The following CSMD1 variants were observed in gnomAD, a reference collection of about 807,000 sequenced individuals.
CSMD1 encodes the protein CUB and sushi domain-containing protein 1.
A neutral mutation model predicts 417.5 loss-of-function variants in CSMD1; 213 were observed. The ratio of observed to expected loss-of-function variants is 0.51; its 90% CI spans 0.46 to 0.57. The LOEUF (loss-of-function observed/expected upper bound fraction) is 0.57, where lower values mean the gene tolerates loss of function less well. Among genes scored for constraint, CSMD1 ranks in the 20% least tolerant of loss-of-function variants. The pLI is 0.00. For missense variants in CSMD1, 6,923 were observed against 4,529.7 expected (o/e 1.53, Z -15.17); for synonymous variants, 2,862 against 1,736.8 (o/e 1.65, Z -16.11).
At chr8:3,457,792 A>G (rs569673655) in intron 12 of CSMD1, among the ~76,000 whole-genome samples, 1 of 152,150 alleles carries the variant, frequency 6.6e-6, no homozygotes, top group African/African-American at 2.4e-5. Context: ...AAAGGAAAAA[A>G]CCTGTTTGTA....
chr8:4,466,317 G>C (rs1030086431), intron 2 of CSMD1, among the ~76,000 whole-genome samples: 1 of 152,040 alleles, frequency 6.6e-6, no homozygotes, highest in South Asian at 2.1e-4. Flanking sequence ...AAACAGAAGA[G>C]GGAAGAAAGA....
In CSMD1 at chr8:3,422,399, T is replaced by C. The variant is rs568985284; in HGVS notation, c.1562-12794A>G. Among the ~76,000 whole-genome samples the C allele has an allele frequency of 3.3e-5, 5 of 152,296 alleles. No homozygotes were observed. In the South Asian group the frequency reaches 8.3e-4, roughly 25 times the overall value. On this transcript the variant is annotated intron_variant, in intron 12 of 69. Transcript: ENST00000635120. The stretch of plus-strand genomic sequence containing the variant: ...CTTGGATTTGGGGCCACTTTCCACA[T>C]TGTTCTTCCACTCACTTTTCCCAAA...
At chr8:3,292,442 T>A (rs1322332778) in intron 25 of CSMD1, among the ~76,000 whole-genome samples, 1 of 152,142 alleles carries the variant, frequency 6.6e-6, no homozygotes, top group Non-Finnish European at 1.5e-5. Flanking sequence ...AAGTCTCCCA[T>A]TATTATTGTG....
chr8:3,124,402 G>C (rs1057207101), intron 41 of CSMD1, among the ~76,000 whole-genome samples: 18 of 152,224 alleles, frequency 1.2e-4, no homozygotes, highest in African/African-American at 4.3e-4. Flanking sequence ...ACCTGGTTAA[G>C]GTTATGCAGT....
intron 1 of CSMD1, among the ~76,000 whole-genome samples, chr8:4,935,300 T>G (rs531243714): frequency 6.6e-6 from 1 of 152,198 alleles, no homozygotes; most frequent in Non-Finnish European, 1.5e-5. Flanking sequence ...ATGACTGAGC[T>G]CAGGCAGAGG....
rs762381943 is a variant in CSMD1, at chr8:3,151,389, T to C, written c.6031+8A>G. On this transcript the variant is annotated splice_region_variant and intron_variant, in intron 40 of 69. Coordinates refer to ENST00000635120, the MANE Select transcript of CSMD1 (RefSeq NM_033225.6). ...GAACTTTTAGGAATTGGTAACATTT[T>C]CACTTACCATAGCCGATGGGTAATG... 6.4e-7 allele frequency: 1 copy of C among 1,568,206 alleles called. No individual in the cohort carries two copies. Among genetic ancestry groups the C allele is most frequent in the Non-Finnish European group, 8.8e-7 (1 of 1,140,308 alleles).
chr8:3,107,183 C>T (rs11993207), intron 45 of CSMD1: 13,807 of 154,494 alleles, frequency 0.089, 734 homozygotes, highest in Middle Eastern at 0.17. Context: ...GCCATCACTG[C>T]TTTCTCAGTA....
chr8:4,882,463 G>C (rs932288303), intron 1 of CSMD1, among the ~76,000 whole-genome samples: 2 of 151,760 alleles, frequency 1.3e-5, no homozygotes, highest in South Asian at 4.1e-4. Context: ...TGGGGGGCGA[G>C]TTTGGCGTTT....
intron 3 of CSMD1, among the ~76,000 whole-genome samples, chr8:4,060,527 G>A (rs1021023933): frequency 2.0e-5 from 3 of 152,172 alleles, no homozygotes; most frequent in African/African-American, 7.2e-5. Flanking sequence ...GGGGATGTCG[G>A]AGAAGGAGTG....
intron 3 of CSMD1, among the ~76,000 whole-genome samples, chr8:4,253,794 T>C (rs1399598444): frequency 2.0e-5 from 3 of 152,046 alleles, no homozygotes; most frequent in Admixed American, 6.6e-5. Flanking sequence ...TGCCTGTATT[T>C]ATGTGAAAGA....
chr8:3,114,240 T>A (rs1816718225), intron 42 of CSMD1, among the ~76,000 whole-genome samples: 1 of 152,088 alleles, frequency 6.6e-6, no homozygotes, highest in South Asian at 2.1e-4. Flanking sequence ...TGAGACTCCA[T>A]CTCAAATAAA....
intron 5 of CSMD1, among the ~76,000 whole-genome samples, chr8:3,838,099 G>C (rs528245851): frequency 6.6e-6 from 1 of 152,060 alleles, no homozygotes; most frequent in African/African-American, 2.4e-5. Flanking sequence ...GCAGAAACTG[G>C]AATTTCTAAC....
intron 23 of CSMD1, among the ~76,000 whole-genome samples, chr8:3,322,644 T>C (rs1563271358): frequency 6.6e-6 from 1 of 152,274 alleles, no homozygotes; most frequent in African/African-American, 2.4e-5. Context: ...GGGACGCCCC[T>C]GGTCACCTGG....
chr8:4,270,161 G>A (rs1001003699), intron 3 of CSMD1, among the ~76,000 whole-genome samples: 1 of 152,218 alleles, frequency 6.6e-6, no homozygotes, highest in Non-Finnish European at 1.5e-5. Flanking sequence ...CGAGAGACTT[G>A]AAGGAGGCAA....
chr8:4,169,179 G>A (rs151063449), intron 3 of CSMD1, among the ~76,000 whole-genome samples: 1 of 152,134 alleles, frequency 6.6e-6, no homozygotes, highest in African/African-American at 2.4e-5. Flanking sequence ...TACGGTTTCA[G>A]AATGTTAACA....
At chr8:3,178,844 A>C (rs906868563) in intron 37 of CSMD1, among the ~76,000 whole-genome samples, 17 of 152,222 alleles carry the variant, frequency 1.1e-4, no homozygotes, top group African/African-American at 4.1e-4. Context: ...AACAAATTTA[A>C]GATATCAGAA....
intron 33 of CSMD1, among the ~76,000 whole-genome samples, chr8:3,193,003 G>C (rs1175537191): frequency 1.3e-5 from 2 of 151,950 alleles, no homozygotes; most frequent in African/African-American, 4.8e-5. Flanking sequence ...AAAATGAAGC[G>C]CTATTGCCAG....
intron 2 of CSMD1, among the ~76,000 whole-genome samples, chr8:4,510,602 G>C (rs1462743378): frequency 3.9e-5 from 5 of 127,758 alleles, no homozygotes; most frequent in African/African-American, 1.2e-4. Context: ...CTTCCTTCTT[G>C]CCTTCCTTCC....
Position 4,359,312 on chromosome 8 carries a change from A to G in CSMD1, c.415+60641T>C, listed in dbSNP as rs185928597. On this transcript the variant is annotated intron_variant, in intron 3 of 69. Coordinates refer to ENST00000635120, the MANE Select transcript of CSMD1 (RefSeq NM_033225.6). ...TGTGTATATATGGCTGCAGTGCATT[A>G]TTGTGCAGGGGCCAAATAGGTACAA... 2.5e-3 allele frequency among the ~76,000 whole-genome samples: 374 copies of G among 152,354 alleles called. 1 individual carries two copies. The highest frequency in any genetic ancestry group is 8.6e-3 in the African/African-American group (357 of 41,580).
Sources: allele counts gnomAD v4.1 joint callset (sites outside exome capture counted in the v4.1 genomes callset), GRCh38; gene constraint gnomAD v4.1.1; transcripts MANE v1.5; gene names NCBI Gene and HGNC (gene_info 2026-07-23, HGNC 2026-07-21).